The following ASIC2 variants were observed in gnomAD, a reference collection of about 807,000 sequenced individuals.
ASIC2 encodes the protein acid sensing ion channel subunit 2.
ASIC2 carries 25 observed loss-of-function variants against 57.3 expected under a neutral mutation model. The ratio of observed to expected loss-of-function variants is 0.44; its 90% CI spans 0.32 to 0.61. The LOEUF (loss-of-function observed/expected upper bound fraction) is 0.61. ASIC2 is among the 20% of genes least tolerant of loss of function. The pLI, the probability that ASIC2 is intolerant of heterozygous loss-of-function variation, is 0.06. For missense variants in ASIC2, 641 were observed against 738.1 expected (o/e 0.87, Z 1.52); for synonymous variants, 319 against 307.5 (o/e 1.04, Z -0.39).
intron 1 of ASIC2, chr17:34,078,782 T>TC (rs2142076300): frequency 1.3e-5 from 2 of 152,294 alleles, no homozygotes; most frequent in South Asian, 4.2e-4. Context: ...AAGGCACCCC[T>TC]CCTCCACTCA....
intron 1 of ASIC2, among the ~76,000 whole-genome samples, chr17:33,679,188 T>C (rs770618502): frequency 6.6e-6 from 1 of 152,176 alleles, no homozygotes; most frequent in Non-Finnish European, 1.5e-5. Flanking sequence ...CAGTTACATA[T>C]GAGCTTGGAT....
At chr17:33,791,335 G>A (rs986581140) in intron 1 of ASIC2, among the ~76,000 whole-genome samples, 1 of 152,188 alleles carries the variant, frequency 6.6e-6, no homozygotes, top group African/African-American at 2.4e-5. Context: ...GCAAATTGAA[G>A]CCCTGCAGAG....
intron 3 of ASIC2, among the ~76,000 whole-genome samples, chr17:33,070,993 C>T (rs1479435860): frequency 6.6e-6 from 1 of 151,642 alleles, no homozygotes; most frequent in African/African-American, 2.4e-5. Context: ...ATCTTTATTC[C>T]TCTGTAGGTA....
intron 1 of ASIC2, among the ~76,000 whole-genome samples, chr17:33,516,511 A>T (rs1453807351): frequency 3.3e-5 from 5 of 152,126 alleles, no homozygotes; most frequent in Admixed American, 6.5e-5. Flanking sequence ...AGATTCTCCT[A>T]GAAAGACTTG....
intron 1 of ASIC2, among the ~76,000 whole-genome samples, chr17:33,156,116 A>G (rs1439033493): frequency 6.6e-6 from 1 of 150,776 alleles, no homozygotes; most frequent in Non-Finnish European, 1.5e-5. Context: ...ATACACATCA[A>G]AATCACCTAG....
intron 1 of ASIC2, among the ~76,000 whole-genome samples, chr17:33,799,128 T>C (rs1450478010): frequency 6.6e-6 from 1 of 152,248 alleles, no homozygotes; most frequent in Non-Finnish European, 1.5e-5. Flanking sequence ...CTCTTTCTTC[T>C]TTGTAAGTGG....
At chr17:33,195,308 G>C (rs1452383528) in intron 1 of ASIC2, among the ~76,000 whole-genome samples, 2 of 151,958 alleles carry the variant, frequency 1.3e-5, no homozygotes, top group Non-Finnish European at 2.9e-5. Flanking sequence ...CAGACTCAGG[G>C]GAAAGCACTC....
At chr17:33,555,581 C>T (rs184528746) in intron 1 of ASIC2, among the ~76,000 whole-genome samples, 8 of 152,070 alleles carry the variant, frequency 5.3e-5, no homozygotes, top group African/African-American at 1.7e-4. Context: ...TGTGACAGCC[C>T]AAACTTTGAG....
At chr17:33,770,824 A>C (rs1308321281) in intron 1 of ASIC2, among the ~76,000 whole-genome samples, 1 of 152,236 alleles carries the variant, frequency 6.6e-6, no homozygotes, top group East Asian at 1.9e-4. Flanking sequence ...CTGTAGCAGA[A>C]CTTGTCTTCC....
chr17:33,603,449 T>C (rs1164558728), intron 1 of ASIC2, among the ~76,000 whole-genome samples: 1 of 152,224 alleles, frequency 6.6e-6, no homozygotes, highest in Non-Finnish European at 1.5e-5. Context: ...AAGGTGCTTT[T>C]TGGATCATGG....
chr17:33,171,029 G>T (rs146111740), intron 1 of ASIC2, among the ~76,000 whole-genome samples: 73 of 152,276 alleles, frequency 4.8e-4, no homozygotes, highest in African/African-American at 1.6e-3. Context: ...GTGAAGGCTG[G>T]AATTGGCTCC....
chr17:33,155,824 G>T (rs1386209469), intron 1 of ASIC2, among the ~76,000 whole-genome samples: 1 of 151,998 alleles, frequency 6.6e-6, no homozygotes, highest in Non-Finnish European at 1.5e-5. Flanking sequence ...TTACAGGTGT[G>T]AGCCACTGCA....
chr17:33,237,790 C>A (rs1306998156), intron 1 of ASIC2, among the ~76,000 whole-genome samples: 2 of 152,164 alleles, frequency 1.3e-5, no homozygotes, highest in Admixed American at 6.5e-5. Context: ...CTCAGCCCAT[C>A]CTTTGGTGTT....
At chr17:33,059,998 G>T (rs1051437636) in intron 3 of ASIC2, among the ~76,000 whole-genome samples, 1 of 152,008 alleles carries the variant, frequency 6.6e-6, no homozygotes, top group Non-Finnish European at 1.5e-5. Flanking sequence ...CCCACTTTTT[G>T]ATGGGGTTGT....
intron 1 of ASIC2, among the ~76,000 whole-genome samples, chr17:33,942,968 T>G (rs918272250): frequency 1.5e-4 from 23 of 152,198 alleles, no homozygotes; most frequent in African/African-American, 5.5e-4. Flanking sequence ...ATGTTAACTT[T>G]GCAAAAGATC....
chr17:33,579,079 G>C (rs957460913), intron 1 of ASIC2, among the ~76,000 whole-genome samples: 1 of 151,548 alleles, frequency 6.6e-6, no homozygotes, highest in Non-Finnish European at 1.5e-5. Flanking sequence ...TGAGGTCAGG[G>C]ATTCAGACCA....
chr17:33,824,454 A>G (rs1437271560), intron 1 of ASIC2, among the ~76,000 whole-genome samples: 1 of 151,842 alleles, frequency 6.6e-6, no homozygotes, highest in African/African-American at 2.4e-5. Flanking sequence ...CATATATATA[A>G]TTTTTTAAAG....
At chr17:33,761,716 C>A (rs1052024625) in intron 1 of ASIC2, among the ~76,000 whole-genome samples, 75 of 152,128 alleles carry the variant, frequency 4.9e-4, no homozygotes, top group African/African-American at 1.8e-3. Flanking sequence ...GAAAGAGAAG[C>A]ACAGTTGACT....
At chr17:33,359,417 T>C (rs754633771) in intron 1 of ASIC2, among the ~76,000 whole-genome samples, 3 of 152,188 alleles carry the variant, frequency 2.0e-5, no homozygotes, top group Non-Finnish European at 4.4e-5. Context: ...AAAGAGTCAA[T>C]TGAACATGAA....
Sources: gnomAD v4.1 joint callset for allele counts (sites outside exome capture counted in the v4.1 genomes callset) on GRCh38, gnomAD v4.1.1 for gene constraint, MANE v1.5 for transcripts, NCBI Gene and HGNC (gene_info 2026-07-23, HGNC 2026-07-21) for gene names.